TAFA1: variants seen among roughly 807,000 people sequenced by gnomAD.
The protein encoded by TAFA1 is chemokine-like protein TAFA-1.
Under a neutral mutation model 18.5 loss-of-function variants are expected in TAFA1, and 4 were observed. That is an observed-to-expected ratio of 0.22 (90% CI 0.11 to 0.49). The LOEUF (loss-of-function observed/expected upper bound fraction) is 0.49, where lower values mean the gene tolerates loss of function less well. TAFA1 is among the 20% of genes least tolerant of loss of function. TAFA1 has a pLI of 0.98. For missense variants in TAFA1, 147 were observed against 169.0 expected (o/e 0.87, Z 0.72); for synonymous variants, 56 against 55.2 (o/e 1.01, Z -0.06).
chr3:68,419,409 C>T (rs957050242), intron 3 of TAFA1, among the ~76,000 whole-genome samples: 2 of 152,160 alleles, frequency 1.3e-5, no homozygotes, highest in Non-Finnish European at 2.9e-5. Flanking sequence ...TAAGCCCTGG[C>T]TTGAATGACT....
At chr3:68,405,242 AAAG>A (rs1275695322) in intron 2 of TAFA1, among the ~76,000 whole-genome samples, 6 of 152,176 alleles carry the variant, frequency 3.9e-5, no homozygotes, top group Non-Finnish European at 5.9e-5. Context: ...AAGAGAATAA[AAAG>A]AAGTTAATGA....
intron 2 of TAFA1, among the ~76,000 whole-genome samples, chr3:68,152,652 T>G (rs1575647923): frequency 6.6e-6 from 1 of 152,248 alleles, no homozygotes; most frequent in East Asian, 1.9e-4. Flanking sequence ...TCAACCATAA[T>G]CATCACCAAT....
At chr3:68,013,302 C>T (rs1018120455) in intron 2 of TAFA1, among the ~76,000 whole-genome samples, 7 of 151,910 alleles carry the variant, frequency 4.6e-5, no homozygotes, top group South Asian at 2.1e-4. Flanking sequence ...TTTATAATTT[C>T]GAGATTTCTC....
At chr3:68,159,983 C>G (rs2065907114) in intron 2 of TAFA1, among the ~76,000 whole-genome samples, 1 of 152,190 alleles carries the variant, frequency 6.6e-6, no homozygotes, top group Non-Finnish European at 1.5e-5. Context: ...TTATACCAGA[C>G]CTGGCTCTTG....
At chr3:68,114,139 G>A (rs779304201) in intron 2 of TAFA1, among the ~76,000 whole-genome samples, 6 of 151,824 alleles carry the variant, frequency 4.0e-5, no homozygotes, top group South Asian at 2.1e-4. Context: ...AGATCTCTCC[G>A]TGCCCTTAGA....
rs369093261 is a variant in TAFA1, at chr3:68,381,956, A to T, written c.119-35324A>T. ...TTGAGATACGTCCCATCAATACCTA[A>T]TTTATTGAGACTTTTTAGCATGAAG... On this transcript the variant is annotated intron_variant, in intron 2 of 4. Coordinates refer to ENST00000478136, the MANE Select transcript of TAFA1 (RefSeq NM_213609.4). Among the ~76,000 whole-genome samples the T allele has an allele frequency of 1.4e-4, 22 of 152,308 alleles. 1 individual carries two copies. In the East Asian group the frequency reaches 2.5e-3, roughly 17 times the overall value.
intron 2 of TAFA1, among the ~76,000 whole-genome samples, chr3:68,413,106 T>G (rs540481937): frequency 1.3e-5 from 2 of 152,202 alleles, no homozygotes; most frequent in African/African-American, 2.4e-5. Context: ...GTGTTTTTGA[T>G]TTGCATTTCT....
At chr3:68,288,961 C>T (rs1222674099) in intron 2 of TAFA1, among the ~76,000 whole-genome samples, 4 of 152,170 alleles carry the variant, frequency 2.6e-5, no homozygotes, top group South Asian at 2.1e-4. Flanking sequence ...CAAGTTACTT[C>T]AGTTTCCAAG....
chr3:68,187,341 C>T (rs1006939950), intron 2 of TAFA1, among the ~76,000 whole-genome samples: 2 of 151,926 alleles, frequency 1.3e-5, no homozygotes, highest in Non-Finnish European at 2.9e-5. Context: ...AAAACATTGT[C>T]AGACTTAGAT....
At chr3:68,275,306 A>T (rs2067772945) in intron 2 of TAFA1, among the ~76,000 whole-genome samples, 1 of 152,110 alleles carries the variant, frequency 6.6e-6, no homozygotes, top group Non-Finnish European at 1.5e-5. Context: ...GGAGTGAAAG[A>T]TGTCATATTT....
chr3:68,247,979 TA>T (rs989434422), intron 2 of TAFA1, among the ~76,000 whole-genome samples: 2 of 152,138 alleles, frequency 1.3e-5, no homozygotes, highest in East Asian at 3.8e-4. Flanking sequence ...TTTATGTTCA[TA>T]AAGTAAAGAT....
intron 3 of TAFA1, among the ~76,000 whole-genome samples, chr3:68,460,946 A>T (rs1178520339): frequency 6.6e-6 from 1 of 152,164 alleles, no homozygotes; most frequent in African/African-American, 2.4e-5. Flanking sequence ...GCTAAAGAAG[A>T]TCAGCTCTTA....
chr3:68,360,343 T>C (rs1559632955), intron 2 of TAFA1, among the ~76,000 whole-genome samples: 1 of 152,130 alleles, frequency 6.6e-6, no homozygotes, highest in East Asian at 1.9e-4. Flanking sequence ...GTGCTTATCC[T>C]CTCTAGGCTG....
chr3:68,387,403 C>T (rs187580867), intron 2 of TAFA1, among the ~76,000 whole-genome samples: 5 of 152,162 alleles, frequency 3.3e-5, no homozygotes, highest in Admixed American at 2.0e-4. Context: ...ACGTAATGTT[C>T]GTGGAGCCTA....
intron 2 of TAFA1, among the ~76,000 whole-genome samples, chr3:68,371,284 TGTGTC>T (rs2069701686): frequency 6.6e-6 from 1 of 152,198 alleles, no homozygotes; most frequent in Non-Finnish European, 1.5e-5. Context: ...TAAATATACA[TGTGTC>T]GTGGTGGTTT....
chr3:68,377,821 G>T (rs1165371759), intron 2 of TAFA1, among the ~76,000 whole-genome samples: 2 of 152,114 alleles, frequency 1.3e-5, no homozygotes, highest in African/African-American at 4.8e-5. Flanking sequence ...TTTGTGCCCT[G>T]CATCCCAGCT....
intron 3 of TAFA1, among the ~76,000 whole-genome samples, chr3:68,427,843 T>A (rs1265050393): frequency 6.6e-6 from 1 of 151,862 alleles, no homozygotes; most frequent in South Asian, 2.1e-4. Flanking sequence ...AGTGAATAAG[T>A]CTCATGAGAT....
chr3:68,114,983 G>T (rs1176449666), intron 2 of TAFA1, among the ~76,000 whole-genome samples: 1 of 152,034 alleles, frequency 6.6e-6, no homozygotes, highest in Non-Finnish European at 1.5e-5. Context: ...AATAAACAAG[G>T]CAAGTAAGGC....
intron 2 of TAFA1, among the ~76,000 whole-genome samples, chr3:68,090,245 A>G (rs1274401179): frequency 6.6e-6 from 1 of 152,214 alleles, no homozygotes; most frequent in Non-Finnish European, 1.5e-5. Flanking sequence ...TTTTAGAATC[A>G]AACATTTATT....
Sources: gnomAD v4.1 joint callset for allele counts (sites outside exome capture counted in the v4.1 genomes callset) on GRCh38, gnomAD v4.1.1 for gene constraint, MANE v1.5 for transcripts, NCBI Gene and HGNC (gene_info 2026-07-23, HGNC 2026-07-21) for gene names.